SIX2: variants seen among roughly 807,000 people sequenced by gnomAD.
SIX2 encodes the protein SIX homeobox 2, also known as homeobox protein SIX2.
A neutral mutation model predicts 22.8 loss-of-function variants in SIX2; 20 were observed. That is an observed-to-expected ratio of 0.88 (90% confidence interval 0.62 to 1.28). SIX2 has a LOEUF of 1.28. Among genes scored for constraint, SIX2 ranks in the 50% most tolerant of loss-of-function variants. The pLI is 0.00. For synonymous variants in SIX2, 195 were observed against 186.4 expected (o/e 1.05, Z -0.37); for missense variants, 360 against 400.0 (o/e 0.90, Z 0.85).
At position 45,008,796 on chromosome 2, in the gene SIX2, G is replaced by C. The variant is rs1444824729; in HGVS notation, c.315C>G (p.Ala105=). 3.7e-6 allele frequency: 6 copies of C among 1,613,702 alleles called. No homozygotes were observed. Among genetic ancestry groups the C allele is most frequent in the Non-Finnish European group, 4.2e-6 (5 of 1,179,956 alleles). Residue 105 remains alanine, a synonymous_variant, in exon 1 of 2, where the codon GCC becomes GCG. Coordinates refer to ENST00000303077, the MANE Select transcript of SIX2 (RefSeq NM_016932.5). ...TGCGGCGCACGCGGTATTTGCCCAC[G>C]GCGCCCAGGGGTCGGCCGCGCAGCT... ...AEKLRGRPLG[A]VGKYRVRRKF...
At position 45,006,117 on chromosome 2, in the gene SIX2, C is replaced by G; in HGVS notation, c.*53G>C. Reference sequence around the variant, plus strand: ...CGGGGCGCCCCTGGACACCGCCACTCCACGTCCCCAGTGTCAAGTCACAAA... The same window carrying G: ...CGGGGCGCCCCTGGACACCGCCACTGCACGTCCCCAGTGTCAAGTCACAAA... On this transcript the variant is annotated 3_prime_UTR_variant, in exon 2 of 2. Transcript: ENST00000303077. The surrounding 1 kb of genome is among the most constrained non-coding windows in gnomAD (Gnocchi z 4.2). The G allele has an allele frequency of 6.3e-7, 1 of 1,596,486 alleles. No homozygotes were observed. The highest frequency in any genetic ancestry group is 8.6e-7 in the Non-Finnish European group (1 of 1,163,820).
At chr2:45,008,406 C>A in intron 1 of SIX2, 145 bp downstream of exon 1, 1 of 824,958 alleles carries the variant, frequency 1.2e-6, no homozygotes, top group Admixed American at 2.2e-5. Context: ...GCCTAAGCAT[C>A]GTCCAAGTCA....
chr2:45,008,508 G>A (rs1462899066), intron 1 of SIX2, 43 bp downstream of exon 1: 3 of 1,599,550 alleles, frequency 1.9e-6, no homozygotes, highest in African/African-American at 1.3e-5. Context: ...CCCTCCCTTG[G>A]GCCCCGGGGA....
Position 45,009,229 on chromosome 2 carries a change from C to G in SIX2, c.-119G>C. 1 of 765,550 alleles carries G rather than the reference C, an allele frequency of 1.3e-6. No homozygotes were observed. The highest frequency in any genetic ancestry group is 1.7e-6 in the Non-Finnish European group (1 of 578,586). 47.4% of individuals were successfully genotyped at this position (765,550 alleles called of 1,614,324 possible). The stretch of plus-strand genomic sequence containing the variant: ...CGCGGGCGGGGCTGGCCCCCTGGCC[C>G]GGCACTGGCCCCCGGTGAGCCCCGA... On this transcript the variant is annotated 5_prime_UTR_variant, in exon 1 of 2. Transcript: ENST00000303077.
intron 1 of SIX2, among the ~76,000 whole-genome samples, chr2:45,007,113 T>TC (rs1667781230): frequency 1.3e-5 from 2 of 152,214 alleles, no homozygotes. Flanking sequence ...GAGACAAGGG[T>TC]CCAAGGATGG....
chr2:45,007,305 T>C (rs1667785187), intron 1 of SIX2, among the ~76,000 whole-genome samples: 1 of 152,200 alleles, frequency 6.6e-6, no homozygotes, highest in Non-Finnish European at 1.5e-5. Flanking sequence ...TCTGATCACA[T>C]GCCGGTTTGG....
In SIX2 at chr2:45,006,609, G is replaced by T; in HGVS notation, c.561-124C>A. The T allele has an allele frequency of 1.1e-6, 1 of 940,524 alleles. No individual in the cohort carries two copies. The highest frequency in any genetic ancestry group is 2.4e-5 in the East Asian group (1 of 41,074). The allele number at this position is 940,524 out of a possible 1,614,324, so 58.3% of individuals were successfully genotyped here. A position where few individuals can be genotyped will look rare whatever the true frequency, so the allele number is the denominator to read the frequency against. On this transcript the variant is annotated intron_variant, in intron 1 of 1. Coordinates refer to ENST00000303077, the MANE Select transcript of SIX2 (RefSeq NM_016932.5). This position sits in a 1 kb window ranked among gnomAD's most constrained non-coding sequence, Gnocchi z 4.2. Reference sequence around the variant, plus strand: ...CAGATCCCGGGCTTGTGGCCTGCGGGTGTTTTCGGTTTCTACCATTTCCTC... The same window carrying T: ...CAGATCCCGGGCTTGTGGCCTGCGGTTGTTTTCGGTTTCTACCATTTCCTC...
intron 1 of SIX2, among the ~76,000 whole-genome samples, chr2:45,007,846 C>T (rs761802198): frequency 7.2e-5 from 11 of 152,096 alleles, no homozygotes; most frequent in Admixed American, 1.3e-4. Flanking sequence ...GCAGACATTC[C>T]GACCTACCCA....
chr2:45,008,966 C>T lies in SIX2; in HGVS notation c.145G>A (p.Val49Met). The T allele has an allele frequency of 6.2e-7, 1 of 1,613,700 alleles. No individual in the cohort carries two copies. The highest frequency in any genetic ancestry group is 8.5e-7 in the Non-Finnish European group (1 of 1,179,958). ...ACEHLHKNES[V>M]LKAKAVVAFH... ...GCCACCACGGCCTTGGCCTTGAGCACGCTTTCATTCTTGTGAAGGTGCTCG... is the reference window on the plus strand; with the variant it reads ...GCCACCACGGCCTTGGCCTTGAGCATGCTTTCATTCTTGTGAAGGTGCTCG... The change falls in exon 1 of 2, where the codon GTG becomes ATG. Residue 49 changes from valine (V) to methionine (M), a missense_variant. Transcript: ENST00000303077.
rs566522952 is a variant in SIX2 at position 45,006,691 on chromosome 2, C to A, written c.561-206G>T. On this transcript the variant is annotated intron_variant, in intron 1 of 1. Coordinates refer to ENST00000303077, the MANE Select transcript of SIX2 (RefSeq NM_016932.5). This position sits in a 1 kb window ranked among gnomAD's most constrained non-coding sequence, Gnocchi z 4.2. ...CTCTCCATCTCTCAACACCCAATTTCTCTTGCCCCTCTGCCCTTATCGTCC... is the reference window on the plus strand; with the variant it reads ...CTCTCCATCTCTCAACACCCAATTTATCTTGCCCCTCTGCCCTTATCGTCC... 6.6e-6 allele frequency among the ~76,000 whole-genome samples: 1 copy of A among 152,334 alleles called. No homozygotes were observed. Among genetic ancestry groups the A allele is most frequent in the South Asian group, 2.1e-4 (1 of 4,828 alleles).
rs1173391978 is a variant in SIX2 at position 45,005,386 on chromosome 2, G to GA, written c.*783dup. ...TGGCGGGGCCTCGCCAAGAGAGAAG[G>GA]AGGAGGGGCGTATGACGAGGCGGCG... On this transcript the variant is annotated 3_prime_UTR_variant, in exon 2 of 2. Transcript: ENST00000303077. The GA allele has an allele frequency of 2.0e-5, 3 of 151,804 alleles. No individual in the cohort carries two copies. The highest frequency in any genetic ancestry group is 4.4e-5 in the Non-Finnish European group (3 of 67,960). 9.4% of individuals were successfully genotyped at this position (151,804 alleles called of 1,614,324 possible). A position where few individuals can be genotyped will look rare whatever the true frequency, so the allele number is the denominator to read the frequency against.
chr2:45,006,276 A>T lies in SIX2; in HGVS notation c.770T>A (p.Val257Glu). 1 of 1,614,162 alleles carries T rather than the reference A, an allele frequency of 6.2e-7. No homozygotes were observed. The highest frequency in any genetic ancestry group is 8.5e-7 in the Non-Finnish European group (1 of 1,179,990). The change falls in exon 2 of 2, where the codon GTG becomes GAG. Residue 257 changes from valine (V) to glutamate (E), a missense_variant. By Grantham distance (121) the Val-to-Glu change is moderately radical. Transcript: ENST00000303077. This position sits in a 1 kb window ranked among gnomAD's most constrained non-coding sequence, Gnocchi z 4.2. ...GHPPGPSAVP[V>E]PVPGGGGADP... ...CGCTCCACCTCCGCCTGGCACCGGC[A>T]CTGGCACTGCGCTGGGGCCCGGAGG...
In SIX2 at chr2:45,009,194, C is replaced by G. The variant is rs1667828194; in HGVS notation, c.-84G>C. ...ATGGGAGCTTCCTCGCCGGGCCGTC[C>G]GGGCCGAGACGCGGGCGGGGCTGGC... On this transcript the variant is annotated 5_prime_UTR_variant, in exon 1 of 2. Transcript: ENST00000303077. 1.7e-6 allele frequency: 2 copies of G among 1,178,858 alleles called. No individual in the cohort carries two copies. The highest frequency in any genetic ancestry group is 1.6e-5 in the African/African-American group (1 of 61,146). The allele number at this position is 1,178,858 out of a possible 1,614,324, so 73.0% of individuals were successfully genotyped here.
Position 45,009,297 on chromosome 2 carries a change from G to T in SIX2, c.-187C>A. ...CCGCGCCGGCCGCGGGTCCCACGAA[G>T]CTCCGAACCCCAACGGCCCGCGCGC... On this transcript the variant is annotated 5_prime_UTR_variant, in exon 1 of 2. Transcript: ENST00000303077. 1 of 326,782 alleles carries T rather than the reference G, an allele frequency of 3.1e-6. No individual in the cohort carries two copies. The highest frequency in any genetic ancestry group is 4.9e-6 in the Non-Finnish European group (1 of 202,720). The allele number at this position is 326,782 out of a possible 1,614,324, so 20.2% of individuals were successfully genotyped here.
chr2:45,006,224 C>A lies in SIX2; in HGVS notation c.822G>T (p.Leu274=), dbSNP rs747357830. 47 of 1,614,132 alleles carry A rather than the reference C, an allele frequency of 2.9e-5. No individual in the cohort carries two copies. The Admixed American group carries it at 4.0e-4, about 14-fold the overall frequency. ...ACATGGGGTTGAGGATGGAGTCCTG[C>A]AGGCCATGGTGGTGTTGCAGTGGGT... ...GADPLQHHHG[L]QDSILNPMSA... Residue 274 remains leucine (L), a synonymous_variant, in exon 2 of 2, where the codon CTG becomes CTT. Transcript: ENST00000303077. This position sits in a 1 kb window ranked among gnomAD's most constrained non-coding sequence, Gnocchi z 4.2.
chr2:45,009,163 TC>T lies in SIX2; in HGVS notation c.-54del. On this transcript the variant is annotated 5_prime_UTR_variant, in exon 1 of 2. The change abolishes the stop of an existing upstream ORF in the 5' untranslated region. Coordinates refer to ENST00000303077, the MANE Select transcript of SIX2 (RefSeq NM_016932.5). ...CGCGCGCCCTCACCGGGCCGCGCGG[TC>T]CCGCATGGGAGCTTCCTCGCCGGGC... 2 of 1,445,932 alleles carry T rather than the reference TC, an allele frequency of 1.4e-6. No individual in the cohort carries two copies. The highest frequency in any genetic ancestry group is 2.6e-5 in the East Asian group (1 of 38,644). The allele number at this position is 1,445,932 out of a possible 1,614,324, so 89.6% of individuals were successfully genotyped here.
Position 45,005,732 on chromosome 2 carries a change from CAGA to C in SIX2, c.*435_*437del, listed in dbSNP as rs1558439356. On this transcript the variant is annotated 3_prime_UTR_variant, in exon 2 of 2. Coordinates refer to ENST00000303077, the MANE Select transcript of SIX2 (RefSeq NM_016932.5). ...AGAGAAGGAGAGAGAAAGGGAGAGA[CAGA>C]AGGAGAGAATGAACGGTGGCAAGCT... is the stretch of plus-strand genomic sequence containing the variant. The C allele has an allele frequency of 1.3e-5, 4 of 307,406 alleles. No homozygotes were observed. The highest frequency in any genetic ancestry group is 2.5e-5 in the Non-Finnish European group (4 of 159,406). The allele number at this position is 307,406 out of a possible 1,614,324, so 19.0% of individuals were successfully genotyped here.
chr2:45,009,140 C>T lies in SIX2; in HGVS notation c.-30G>A. ...CCGGCTGCGTCCCCGCCCGCCCGCG[C>T]GCGCCCTCACCGGGCCGCGCGGTCC... On this transcript the variant is annotated 5_prime_UTR_variant, in exon 1 of 2. Coordinates refer to ENST00000303077, the MANE Select transcript of SIX2 (RefSeq NM_016932.5). The T allele has an allele frequency of 1.3e-6, 2 of 1,517,744 alleles. No homozygotes were observed. The highest frequency in any genetic ancestry group is 8.8e-7 in the Non-Finnish European group (1 of 1,139,636). The allele number at this position is 1,517,744 out of a possible 1,614,324, so 94.0% of individuals were successfully genotyped here.
intron 1 of SIX2, among the ~76,000 whole-genome samples, chr2:45,007,324 G>A (rs1667785531): frequency 6.6e-6 from 1 of 152,124 alleles, no homozygotes; most frequent in Non-Finnish European, 1.5e-5. Flanking sequence ...GGGTGGAGGG[G>A]GACCCAGCAG....
Sources: allele counts gnomAD v4.1 joint callset (sites outside exome capture counted in the v4.1 genomes callset), GRCh38; gene constraint gnomAD v4.1.1; non-coding constraint Gnocchi (gnomAD v3.1); transcripts MANE v1.5; gene names NCBI Gene and HGNC (gene_info 2026-07-23, HGNC 2026-07-21).